HK1: variants seen among roughly 807,000 people sequenced by gnomAD.
HK1 encodes the protein hexokinase-1.
A neutral mutation model predicts 91.6 loss-of-function variants in HK1; 28 were observed. That is an observed-to-expected ratio of 0.31 (90% CI 0.23 to 0.42). The LOEUF (loss-of-function observed/expected upper bound fraction) is 0.42, where lower values mean the gene tolerates loss of function less well. Among genes scored for constraint, HK1 ranks in the 10% least tolerant of loss-of-function variants. HK1 has a pLI of 1.00. For missense variants in HK1, 770 were observed against 1,219.8 expected (o/e 0.63, Z 5.49); for synonymous variants, 430 against 468.1 (o/e 0.92, Z 1.05).
At chr10:69,307,045 A>G (rs1386692715) in intron 5 of HK1, among the ~76,000 whole-genome samples, 1 of 152,200 alleles carries the variant, frequency 6.6e-6, no homozygotes, top group Non-Finnish European at 1.5e-5. Context: ...TAAGGAGAAG[A>G]ACATGACTGT....
chr10:69,288,889 C>T (rs1057174634), intron 3 of HK1: 58 of 813,458 alleles, frequency 7.1e-5, no homozygotes, highest in Non-Finnish European at 1.1e-4. Flanking sequence ...CGGGTTCAAG[C>T]GATTCTCCTG....
intron 8 of HK1, among the ~76,000 whole-genome samples, 160 bp downstream of exon 8, chr10:69,377,249 C>G (rs1000060891): frequency 6.6e-6 from 1 of 152,070 alleles, no homozygotes; most frequent in Non-Finnish European, 1.5e-5. Context: ...CATTCTGGGC[C>G]GGACTCCCTG....
intron 2 of HK1, among the ~76,000 whole-genome samples, chr10:69,358,619 T>A (rs1001347852): frequency 6.6e-6 from 1 of 152,146 alleles, no homozygotes; most frequent in Non-Finnish European, 1.5e-5. Context: ...CCCAGCACCC[T>A]GGGAGGCCAA....
chr10:69,323,419 G>C (rs1433988976), intron 1 of HK1, among the ~76,000 whole-genome samples: 1 of 150,294 alleles, frequency 6.7e-6, no homozygotes, highest in Non-Finnish European at 1.5e-5. Context: ...AGCTACTCAG[G>C]AGGCTCATTG....
chr10:69,382,060 T>G (rs1166458614), intron 9 of HK1, among the ~76,000 whole-genome samples: 1 of 152,244 alleles, frequency 6.6e-6, no homozygotes, highest in Non-Finnish European at 1.5e-5. Flanking sequence ...CTACAGTGGA[T>G]GTATATGATT....
chr10:69,288,532 G>A (rs1253308061), intron 2 of HK1: 1 of 627,478 alleles, frequency 1.6e-6, no homozygotes, highest in African/African-American at 1.8e-5. Flanking sequence ...TTTTACCTGG[G>A]TTTACGAATA....
intron 1 of HK1, among the ~76,000 whole-genome samples, chr10:69,325,915 A>C (rs1423019783): frequency 1.3e-5 from 2 of 148,194 alleles, no homozygotes; most frequent in Non-Finnish European, 1.5e-5. Flanking sequence ...CCTCCCTGCA[A>C]CCTCTGCCTG....
intron 1 of HK1, among the ~76,000 whole-genome samples, chr10:69,275,026 C>G (rs192584086): frequency 2.0e-5 from 3 of 152,128 alleles, no homozygotes; most frequent in Admixed American, 6.5e-5. Context: ...AGATTTCCAG[C>G]CTTCCAGTAT....
chr10:69,285,703 A>C (rs970787116), intron 2 of HK1, among the ~76,000 whole-genome samples: 1 of 152,152 alleles, frequency 6.6e-6, no homozygotes, highest in Admixed American at 6.5e-5. Flanking sequence ...ATGTGCGAGT[A>C]CCAGAGAGAG....
At chr10:69,316,850 A>G (rs1846672814), upstream of HK1, among the ~76,000 whole-genome samples, 2 of 152,342 alleles carry the variant, frequency 1.3e-5, no homozygotes, top group South Asian at 4.1e-4. Context: ...ATCCTCAAGG[A>G]GTTTCCAGCC....
intron 8 of HK1, among the ~76,000 whole-genome samples, chr10:69,379,407 A>G (rs1030951233): frequency 6.6e-6 from 1 of 152,232 alleles, no homozygotes; most frequent in Non-Finnish European, 1.5e-5. Context: ...ACTATAAAGT[A>G]CTTCAGAATG....
At chr10:69,282,923 C>T (rs1844818882) in intron 2 of HK1, among the ~76,000 whole-genome samples, 1 of 150,620 alleles carries the variant, frequency 6.6e-6, no homozygotes, top group South Asian at 2.1e-4. Context: ...TTGAGACCAG[C>T]CTGGCCAACA....
intron 7 of HK1, among the ~76,000 whole-genome samples, chr10:69,372,837 G>A (rs1033009008): frequency 2.0e-5 from 3 of 152,042 alleles, no homozygotes; most frequent in South Asian, 2.1e-4. Flanking sequence ...CTCCCTGGGC[G>A]ATTCCAATTT....
At chr10:69,332,553 T>G (rs930923860) in intron 1 of HK1, among the ~76,000 whole-genome samples, 1 of 151,880 alleles carries the variant, frequency 6.6e-6, no homozygotes, top group Non-Finnish European at 1.5e-5. Context: ...TAACTTTTTT[T>G]TATAGTTTTA....
intron 3 of HK1, among the ~76,000 whole-genome samples, chr10:69,290,706 G>A (rs867302200): frequency 1.1e-4 from 16 of 152,186 alleles, no homozygotes; most frequent in Middle Eastern, 3.4e-3. Context: ...CGCCAAGTTG[G>A]CCAGGCTGGT....
chr10:69,299,736 A>C (rs1482303444), intron 4 of HK1, among the ~76,000 whole-genome samples: 2 of 144,906 alleles, frequency 1.4e-5, no homozygotes, highest in Admixed American at 6.8e-5. Context: ...ATCTCGGCTC[A>C]CTGCAACCTC....
chr10:69,284,062 C>T (rs565873062), intron 2 of HK1, among the ~76,000 whole-genome samples: 3 of 152,250 alleles, frequency 2.0e-5, no homozygotes, highest in South Asian at 4.1e-4. Flanking sequence ...TGCTGATATT[C>T]CTCACAGTTT....
At chr10:69,333,540 T>C (rs1847835362) in intron 1 of HK1, among the ~76,000 whole-genome samples, 1 of 152,048 alleles carries the variant, frequency 6.6e-6, no homozygotes, top group Admixed American at 6.6e-5. Context: ...CTTGGCCACT[T>C]TTACCAGTCA....
At chr10:69,368,333 C>A (rs1849811439) in intron 4 of HK1, among the ~76,000 whole-genome samples, 1 of 152,256 alleles carries the variant, frequency 6.6e-6, no homozygotes, top group Non-Finnish European at 1.5e-5. Flanking sequence ...CCCACCCTAT[C>A]TTTGCCCCCA....
Sources: gnomAD v4.1 joint callset for allele counts (sites outside exome capture counted in the v4.1 genomes callset) on GRCh38, gnomAD v4.1.1 for gene constraint, MANE v1.5 for transcripts, NCBI Gene and HGNC (gene_info 2026-07-23, HGNC 2026-07-21) for gene names.